The following RB1 variants were observed in gnomAD, a reference collection of about 807,000 sequenced individuals.
RB1 encodes the protein RB transcriptional corepressor 1, also known as retinoblastoma-associated protein.
In RB1, 18 loss-of-function variants were observed where a neutral mutation model predicts 135.4. That is an observed-to-expected ratio of 0.13 (90% confidence interval 0.09 to 0.20). The LOEUF is 0.20. Ranked by LOEUF, RB1 falls within the 10% of genes least tolerant of loss-of-function variation. The probability of loss-of-function intolerance (pLI) is 1.00; values close to 1 mark genes in which losing one functional copy is unlikely to be tolerated. For missense variants in RB1, 868 were observed against 1,110.0 expected (o/e 0.78, Z 3.10); for synonymous variants, 365 against 373.2 (o/e 0.98, Z 0.25).
At chr13:48,438,254 T>TATCTA (rs1171329686) in intron 17 of RB1, among the ~76,000 whole-genome samples, 3 of 152,186 alleles carry the variant, frequency 2.0e-5, no homozygotes, top group Non-Finnish European at 4.4e-5. Flanking sequence ...TTATCTAACT[T>TATCTA]AGTTGTCAAA....
At chr13:48,334,944 C>T (rs966299084) in intron 2 of RB1, among the ~76,000 whole-genome samples, 1 of 152,046 alleles carries the variant, frequency 6.6e-6, no homozygotes, top group Non-Finnish European at 1.5e-5. Context: ...TTTTCTCTCT[C>T]CTGCTTTATG....
At chr13:48,418,349 C>T (rs1948949631) in intron 17 of RB1, among the ~76,000 whole-genome samples, 2 of 152,146 alleles carry the variant, frequency 1.3e-5, no homozygotes, top group South Asian at 4.2e-4. Context: ...TTTGTCACCA[C>T]CAGGCCTGCA....
At chr13:48,366,323 A>G (rs983066877) in intron 9 of RB1, among the ~76,000 whole-genome samples, 1 of 152,236 alleles carries the variant, frequency 6.6e-6, no homozygotes, top group Non-Finnish European at 1.5e-5. Context: ...AATATAGCCA[A>G]TCAATAGATG....
chr13:48,349,572 A>G (rs1010868123), intron 6 of RB1, among the ~76,000 whole-genome samples: 4 of 152,060 alleles, frequency 2.6e-5, no homozygotes, highest in Admixed American at 2.0e-4. Flanking sequence ...AAACTAAAGC[A>G]TATCATCAGA....
intron 1 of RB1, among the ~76,000 whole-genome samples, chr13:48,305,813 T>A (rs1429711223): frequency 1.3e-5 from 2 of 152,224 alleles, no homozygotes; most frequent in Non-Finnish European, 2.9e-5. Flanking sequence ...GGAGATGGAA[T>A]CAAGGCTCAG....
intron 17 of RB1, among the ~76,000 whole-genome samples, chr13:48,386,041 T>TA (rs59407273): frequency 0.81 from 105,166 of 130,392 alleles, 45,684 homozygotes; most frequent in Non-Finnish European, 0.96. Flanking sequence ...CCCCATCTCT[T>TA]AAAAAAAAAA....
intron 2 of RB1, among the ~76,000 whole-genome samples, chr13:48,335,656 C>CT (rs1409514174): frequency 6.8e-6 from 1 of 147,624 alleles, no homozygotes; most frequent in Non-Finnish European, 1.5e-5. Flanking sequence ...ATTTTTTGTT[C>CT]TTTTTTTGGT....
chr13:48,334,321 G>A (rs1362095427), intron 2 of RB1, among the ~76,000 whole-genome samples: 2 of 152,154 alleles, frequency 1.3e-5, no homozygotes, highest in Non-Finnish European at 2.9e-5. Context: ...CTAGACTGCT[G>A]TAAGCTCATA....
At position 48,456,410 on chromosome 13, in the gene RB1, C is replaced by T. The variant is rs2138331952; in HGVS notation, c.1960+61C>T. ...GAAACTAGGCTGACTGGGTTCAAAT[C>T]ATGTTTCTTCTACTTTCTAGGTACA... On this transcript the variant is annotated intron_variant, in intron 19 of 26. Transcript: ENST00000267163. 9.4e-6 allele frequency: 15 copies of T among 1,587,976 alleles called. No homozygotes were observed. The South Asian group carries it at 1.7e-4, about 18-fold the overall frequency.
chr13:48,318,275 C>G, intron 2 of RB1: 2 of 990,326 alleles, frequency 2.0e-6, no homozygotes, highest in Non-Finnish European at 2.9e-6. Context: ...TCCAGTCTCT[C>G]GGGAGCCCGC....
rs558114005 is a variant in RB1 at position 48,465,060 on chromosome 13, G to C, written c.2274G>C (p.Ser758=). The C allele has an allele frequency of 6.2e-7, 1 of 1,606,914 alleles. No homozygotes were observed. The change falls in exon 22 of 27, where the codon TCG becomes TCC. Residue 758 remains serine, a synonymous_variant. Transcript: ENST00000267163. ...EYDSIIVFYN[S]VFMQRLKTNI... ...ATTCTATTATAGTATTCTATAACTC[G>C]GTCTTCATGCAGAGACTGAAAACAA...
At chr13:48,464,713 T>C (rs535172660) in intron 21 of RB1, among the ~76,000 whole-genome samples, 2 of 152,288 alleles carry the variant, frequency 1.3e-5, no homozygotes, top group South Asian at 4.1e-4. Flanking sequence ...TCCCAGTCTA[T>C]ATACTCTTCT....
intron 6 of RB1, among the ~76,000 whole-genome samples, chr13:48,351,536 T>C (rs1011181361): frequency 2.6e-5 from 4 of 152,172 alleles, no homozygotes; most frequent in African/African-American, 7.2e-5. Flanking sequence ...CTGTAGGTTG[T>C]TCATTTACTC....
At position 48,316,966 on chromosome 13, in the gene RB1, C is replaced by A; in HGVS notation, c.264+9560C>A. 5 of 396,798 alleles carry A rather than the reference C, an allele frequency of 1.3e-5. No individual in the cohort carries two copies. In the South Asian group the frequency reaches 1.6e-4, roughly 13 times the overall value. 24.6% of individuals were successfully genotyped at this position (396,798 alleles called of 1,614,324 possible). ...CCGCCCAAGGTGCCCTGGTCCTGGT[C>A]GTCCCTATCGATGACCCTTCGTCAA... On this transcript the variant is annotated intron_variant, in intron 2 of 26. Coordinates refer to ENST00000267163, the MANE Select transcript of RB1 (RefSeq NM_000321.3).
intron 17 of RB1, among the ~76,000 whole-genome samples, chr13:48,440,969 A>T (rs562310978): frequency 6.6e-6 from 1 of 152,228 alleles, no homozygotes; most frequent in South Asian, 2.1e-4. Flanking sequence ...TCCTGCAGAC[A>T]TTCTAAGGAT....
At chr13:48,412,048 T>C (rs1254277376) in intron 17 of RB1, 7 of 1,612,964 alleles carry the variant, frequency 4.3e-6, no homozygotes, top group Admixed American at 1.7e-5. Context: ...GTTCTTAGAG[T>C]CTTTGACTTA....
chr13:48,459,691 A>T lies in RB1; in HGVS notation c.1964A>T (p.Tyr655Phe), dbSNP rs774196937. 6.2e-7 allele frequency: 1 copy of T among 1,614,106 alleles called. No homozygotes were observed. Among genetic ancestry groups the T allele is most frequent in the Non-Finnish European group, 8.5e-7 (1 of 1,179,986 alleles). The change falls in exon 20 of 27, where the codon TAT becomes TTT. Residue 655 changes from tyrosine to phenylalanine, a missense_variant. Coordinates refer to ENST00000267163, the MANE Select transcript of RB1 (RefSeq NM_000321.3). The stretch of plus-strand genomic sequence containing the variant: ...CTAATTTTTCTTATTCCCACAGTGT[A>T]TCGGCTAGCCTATCTCCGGCTAAAT... ...TSLSLFYKKV[Y>F]RLAYLRLNTL...
At chr13:48,325,179 G>T (rs914646148) in intron 2 of RB1, among the ~76,000 whole-genome samples, 4 of 152,060 alleles carry the variant, frequency 2.6e-5, no homozygotes, top group Admixed American at 2.0e-4. Flanking sequence ...CCCTGTGTGT[G>T]TCCATGTGTT....
chr13:48,452,937 T>C, intron 17 of RB1, 56 bp from the exon 18 acceptor site: 1 of 1,604,406 alleles, frequency 6.2e-7, no homozygotes. Context: ...TTTTGATATG[T>C]ACCTGGGAAA....
Sources: gnomAD v4.1 joint callset for allele counts (sites outside exome capture counted in the v4.1 genomes callset) on GRCh38, gnomAD v4.1.1 for gene constraint, MANE v1.5 for transcripts, NCBI Gene and HGNC (gene_info 2026-07-23, HGNC 2026-07-21) for gene names.